Variants in ESR1 observed in about 807,000 individuals in gnomAD.
The protein encoded by ESR1 is estrogen receptor.
A neutral mutation model predicts 52.7 loss-of-function variants in ESR1; 12 were observed. The observed-to-expected ratio is 0.23, with a 90% confidence interval of 0.15 to 0.37. ESR1 has a LOEUF of 0.37. ESR1 is among the 10% of genes least tolerant of loss of function. The pLI is 1.00. For missense variants in ESR1, 584 were observed against 779.7 expected (o/e 0.75, Z 2.99); for synonymous variants, 305 against 316.8 (o/e 0.96, Z 0.39).
chr6:151,805,113 A>G (rs1300280720), upstream of ESR1: 1 of 152,182 alleles, frequency 6.6e-6, no homozygotes, highest in African/African-American at 2.4e-5. Flanking sequence ...GGGTTTGGTT[A>G]ACGAAGTGGA....
chr6:151,843,622 T>TA (rs1297849705), intron 2 of ESR1, among the ~76,000 whole-genome samples: 1 of 152,222 alleles, frequency 6.6e-6, no homozygotes, highest in East Asian at 1.9e-4. Flanking sequence ...ATTCATTTTT[T>TA]ATCTTAAGTG....
intron 6 of ESR1, among the ~76,000 whole-genome samples, chr6:152,084,290 G>A (rs1447663158): frequency 2.0e-5 from 3 of 151,398 alleles, no homozygotes; most frequent in South Asian, 2.1e-4. Context: ...GGGGCTGGGG[G>A]AGGGATAGCA....
At chr6:152,046,678 G>A (rs1413670743) in intron 5 of ESR1, among the ~76,000 whole-genome samples, 2 of 152,162 alleles carry the variant, frequency 1.3e-5, no homozygotes, top group Non-Finnish European at 2.9e-5. Context: ...TTAAAAGAAA[G>A]ATATATTTAA....
intron 2 of ESR1, among the ~76,000 whole-genome samples, chr6:151,755,184 T>C (rs906429679): frequency 6.9e-6 from 1 of 144,876 alleles, no homozygotes; most frequent in Non-Finnish European, 1.5e-5. Context: ...CATTCCAGCC[T>C]GGGTGACAGA....
intron 6 of ESR1, among the ~76,000 whole-genome samples, chr6:152,079,291 A>C (rs1160548422): frequency 1.3e-5 from 2 of 152,194 alleles, no homozygotes; most frequent in African/African-American, 4.8e-5. Flanking sequence ...CAGAGGAAGG[A>C]TCAGGCAGCA....
At chr6:151,995,711 G>T (rs1291387530) in intron 4 of ESR1, among the ~76,000 whole-genome samples, 1 of 152,028 alleles carries the variant, frequency 6.6e-6, no homozygotes, top group African/African-American at 2.4e-5. Context: ...TTAAAGGAAG[G>T]TGGGTGCCCT....
chr6:151,915,453 C>G (rs1353401978), intron 3 of ESR1, among the ~76,000 whole-genome samples: 3 of 152,188 alleles, frequency 2.0e-5, no homozygotes, highest in Non-Finnish European at 4.4e-5. Context: ...CATTCTGATT[C>G]TTACCATAAC....
At chr6:152,114,237 G>A (rs1017702614) in intron 6 of ESR1, among the ~76,000 whole-genome samples, 1 of 152,128 alleles carries the variant, frequency 6.6e-6, no homozygotes, top group African/African-American at 2.4e-5. Flanking sequence ...TATGACTTTC[G>A]AGTCACTGTC....
chr6:151,910,081 A>G (rs1412847906), intron 3 of ESR1, among the ~76,000 whole-genome samples: 2 of 151,736 alleles, frequency 1.3e-5, no homozygotes, highest in African/African-American at 4.8e-5. Flanking sequence ...ACATAGTTCC[A>G]GAAGGATATA....
chr6:151,833,557 G>A (rs997755782), intron 1 of ESR1, among the ~76,000 whole-genome samples: 3 of 151,998 alleles, frequency 2.0e-5, no homozygotes, highest in African/African-American at 7.3e-5. Context: ...ATTGGCAGAG[G>A]ACTCACCATG....
At chr6:151,908,528 G>T (rs1797787221) in intron 3 of ESR1, among the ~76,000 whole-genome samples, 1 of 152,182 alleles carries the variant, frequency 6.6e-6, no homozygotes, top group African/African-American at 2.4e-5. Flanking sequence ...ATGGAAGGCA[G>T]CCACTGAGGC....
At chr6:151,956,807 T>C (rs1430652748) in intron 4 of ESR1, among the ~76,000 whole-genome samples, 7 of 118,806 alleles carry the variant, frequency 5.9e-5, no homozygotes, top group African/African-American at 9.0e-5. Flanking sequence ...TATATGTAAA[T>C]ATAAATATAT....
chr6:151,745,867 C>G (rs571436831), intron 2 of ESR1, among the ~76,000 whole-genome samples: 3 of 152,070 alleles, frequency 2.0e-5, no homozygotes, highest in South Asian at 2.1e-4. Flanking sequence ...AAACTGTAAC[C>G]CATTTACCAA....
At chr6:151,782,776 C>G (rs1255940044) in intron 2 of ESR1, among the ~76,000 whole-genome samples, 1 of 152,148 alleles carries the variant, frequency 6.6e-6, no homozygotes, top group African/African-American at 2.4e-5. Context: ...TAAGTGCTGG[C>G]CAAATGTGGA....
chr6:151,876,059 G>T (rs1791757494), intron 2 of ESR1, among the ~76,000 whole-genome samples: 4 of 152,112 alleles, frequency 2.6e-5, no homozygotes, highest in Non-Finnish European at 5.9e-5. Context: ...AGGTATGGTG[G>T]TGCCCAGCGC....
intron 1 of ESR1, among the ~76,000 whole-genome samples, chr6:151,839,076 C>G (rs1426320351): frequency 6.6e-6 from 1 of 152,076 alleles, no homozygotes; most frequent in Non-Finnish European, 1.5e-5. Context: ...GCACTATGCT[C>G]TAAGCACATG....
intron 4 of ESR1, among the ~76,000 whole-genome samples, chr6:151,993,741 C>T (rs1028487902): frequency 2.6e-4 from 39 of 152,284 alleles, no homozygotes; most frequent in Non-Finnish European, 4.6e-4. Flanking sequence ...TTACTGTCCT[C>T]ATTGCACAGA....
chr6:151,717,346 T>C (rs1781126675), intron 2 of ESR1, among the ~76,000 whole-genome samples: 1 of 152,228 alleles, frequency 6.6e-6, no homozygotes, highest in South Asian at 2.1e-4. Context: ...CAGTCTTCCA[T>C]ATTTATTTTG....
At chr6:151,711,857 T>C (rs571217118) in intron 2 of ESR1, among the ~76,000 whole-genome samples, 2 of 152,352 alleles carry the variant, frequency 1.3e-5, no homozygotes, top group East Asian at 1.9e-4. Flanking sequence ...TTTAATTAGA[T>C]CCCATTCGTC....
Sources: gnomAD v4.1 joint callset for allele counts (sites outside exome capture counted in the v4.1 genomes callset) on GRCh38, gnomAD v4.1.1 for gene constraint, MANE v1.5 for transcripts, NCBI Gene and HGNC (gene_info 2026-07-23, HGNC 2026-07-21) for gene names.